Variants in ABCC1 observed in about 807,000 individuals in gnomAD.
ABCC1 encodes the protein multidrug resistance-associated protein 1.
ABCC1 carries 83 observed loss-of-function variants against 172.9 expected under a neutral mutation model. The observed-to-expected ratio is 0.48, with a 90% CI of 0.40 to 0.58. The LOEUF is 0.58. Ranked by LOEUF, ABCC1 falls within the 20% of genes least tolerant of loss-of-function variation. ABCC1 has a pLI of 0.00. For missense variants in ABCC1, 1,817 were observed against 2,002.7 expected, an observed-to-expected ratio of 0.91 and a Z score of 1.77; for synonymous variants, 937 against 825.2, an observed-to-expected ratio of 1.14 and a Z score of -2.32.
Position 16,130,545 on chromosome 16 carries a change from T to C in ABCC1, c.3820-1244T>C, listed in dbSNP as rs183737040. ...TTTTAAACTCTCTGTATTGCGCTCC[T>C]CAAATACCTAGAGCCAGTCTGTGCA... On this transcript the variant is annotated intron_variant, in intron 26 of 30. Coordinates refer to ENST00000399410, the MANE Select transcript of ABCC1 (RefSeq NM_004996.4). 3.3e-5 allele frequency among the ~76,000 whole-genome samples: 5 copies of C among 152,324 alleles called. No homozygotes were observed. The East Asian group carries it at 9.6e-4, about 29-fold the overall frequency.
At chr16:16,020,217 C>T (rs754771326) in intron 5 of ABCC1, among the ~76,000 whole-genome samples, 25 of 152,270 alleles carry the variant, frequency 1.6e-4, no homozygotes, top group Admixed American at 1.5e-3. Flanking sequence ...CCACCGTGCC[C>T]GGCTGTGGTC....
chr16:16,105,813 G>A (rs11861115), intron 20 of ABCC1, among the ~76,000 whole-genome samples: 39,472 of 147,728 alleles, frequency 0.27, 5,461 homozygotes, highest in Middle Eastern at 0.36. Flanking sequence ...AACTGTGGGC[G>A]ACGCAATCTG....
At chr16:16,043,428 A>T (rs2151873141) in intron 7 of ABCC1, among the ~76,000 whole-genome samples, 1 of 151,510 alleles carries the variant, frequency 6.6e-6, no homozygotes, top group East Asian at 1.9e-4. Flanking sequence ...CCTCCCAAGT[A>T]GCTGGGATTA....
intron 14 of ABCC1, 98 bp from the exon 15 acceptor site, chr16:16,076,228 C>T (rs953961074): frequency 7.0e-5 from 82 of 1,176,958 alleles, no homozygotes; most frequent in African/African-American, 2.2e-4. Flanking sequence ...TCGTGCCAAG[C>T]GTCTGGGGTT....
At chr16:15,978,315 G>A (rs1197787483) in intron 1 of ABCC1, among the ~76,000 whole-genome samples, 1 of 152,140 alleles carries the variant, frequency 6.6e-6, no homozygotes, top group East Asian at 1.9e-4. Context: ...GCAGTGAGCT[G>A]TGATTGCACA....
At chr16:16,020,023 G>C (rs1304401857) in intron 5 of ABCC1, among the ~76,000 whole-genome samples, 1 of 152,220 alleles carries the variant, frequency 6.6e-6, no homozygotes, top group Non-Finnish European at 1.5e-5. Context: ...CCAGGTTCAA[G>C]CAATTCTCCT....
At chr16:16,099,314 G>T (rs901822746) in intron 19 of ABCC1, among the ~76,000 whole-genome samples, 2 of 152,216 alleles carry the variant, frequency 1.3e-5, no homozygotes, top group Non-Finnish European at 2.9e-5. Context: ...CCCAGACAAT[G>T]CAGGGTGATC....
chr16:16,114,987 G>A lies in ABCC1; in HGVS notation c.3301G>A (p.Val1101Ile), dbSNP rs748139205. ...IKMFMGSLFN[V>I]IGACIVILLA... is the part of the protein sequence containing the mutation. ...GATGTTCATGGGCTCCCTGTTCAACGTCATTGGTGCCTGCATCGTTATCCT... is the reference window on the plus strand; with the variant it reads ...GATGTTCATGGGCTCCCTGTTCAACATCATTGGTGCCTGCATCGTTATCCT... Residue 1101 changes from valine (V) to isoleucine (I), a missense_variant, in exon 23 of 31, where the codon GTC (valine) becomes ATC (isoleucine). Around this residue, in one of 3 missense-constraint regions of ABCC1, gnomAD observed 1,412 missense variants for 1,600.3 expected, o/e 0.88. Transcript: ENST00000399410. The A allele has an allele frequency of 2.5e-6, 4 of 1,614,170 alleles. No individual in the cohort carries two copies. Among genetic ancestry groups the A allele is most frequent in the Non-Finnish European group, 3.4e-6 (4 of 1,180,032 alleles).
At chr16:16,017,717 A>AT in intron 5 of ABCC1, among the ~76,000 whole-genome samples, 1 of 152,004 alleles carries the variant, frequency 6.6e-6, no homozygotes. Context: ...CCTATTCTTT[A>AT]TTTTTTTAAA....
chr16:16,071,610 A>G (rs554079800), intron 13 of ABCC1, 32 bp from the exon 14 acceptor site: 8 of 1,601,390 alleles, frequency 5.0e-6, no homozygotes, highest in East Asian at 4.5e-5. Flanking sequence ...CTTTTTAAAA[A>G]TAACTCTCCC....
At chr16:16,073,233 G>C (rs1016456201) in intron 14 of ABCC1, among the ~76,000 whole-genome samples, 7 of 152,032 alleles carry the variant, frequency 4.6e-5, no homozygotes, top group Non-Finnish European at 8.8e-5. Flanking sequence ...ACTGGTCTCT[G>C]AAACTTGCCT....
At chr16:16,084,868 G>A (rs897759868) in intron 17 of ABCC1, among the ~76,000 whole-genome samples, 6 of 152,116 alleles carry the variant, frequency 3.9e-5, no homozygotes, top group Non-Finnish European at 7.4e-5. Context: ...TGATCTGCCC[G>A]CCTCTGCCTC....
Position 16,102,697 on chromosome 16 carries a change from T to C in ABCC1, c.2715T>C (p.Ser905=), listed in dbSNP as rs1307684821. 5.7e-6 allele frequency: 9 copies of C among 1,584,958 alleles called. No homozygotes were observed. Among genetic ancestry groups the C allele is most frequent in the Non-Finnish European group, 7.7e-6 (9 of 1,165,308 alleles). Residue 905 remains serine, a synonymous_variant, in exon 20 of 31, where the codon AGT becomes AGC. Transcript: ENST00000399410. ...QMENGMLVTD[S]AGKQLQRQLS... is the part of the protein sequence containing the mutation. ...AGAATGGCATGCTGGTGACGGACAG[T>C]GCAGGGAAGCAACTGCAGAGGTAAG...
chr16:16,118,257 G>A (rs2152104881), intron 23 of ABCC1, among the ~76,000 whole-genome samples: 1 of 152,144 alleles, frequency 6.6e-6, no homozygotes, highest in South Asian at 2.1e-4. Flanking sequence ...CTCAAACCAC[G>A]CTGCACAGCT....
At chr16:16,120,310 T>C (rs1158080851) in intron 23 of ABCC1, among the ~76,000 whole-genome samples, 1 of 152,180 alleles carries the variant, frequency 6.6e-6, no homozygotes, top group Non-Finnish European at 1.5e-5. Context: ...AACCCCGGGC[T>C]CACCAGTTCC....
intron 22 of ABCC1, among the ~76,000 whole-genome samples, chr16:16,113,591 G>A (rs976097769): frequency 6.6e-6 from 1 of 152,094 alleles, no homozygotes; most frequent in Non-Finnish European, 1.5e-5. Context: ...GGAGGTCGAG[G>A]CTGCAGTGAG....
chr16:16,015,622 G>A (rs1033902238), intron 4 of ABCC1, among the ~76,000 whole-genome samples: 1 of 152,232 alleles, frequency 6.6e-6, no homozygotes, highest in African/African-American at 2.4e-5. Flanking sequence ...AGGGGACTGT[G>A]TATGTGTCAC....
intron 18 of ABCC1, among the ~76,000 whole-genome samples, chr16:16,088,430 G>C (rs558764065): frequency 1.3e-5 from 2 of 152,170 alleles, no homozygotes; most frequent in East Asian, 3.8e-4. Flanking sequence ...GGGTAACAGA[G>C]CGAGACTCCG....
intron 12 of ABCC1, among the ~76,000 whole-genome samples, chr16:16,057,070 G>A (rs575321074): frequency 9.9e-5 from 15 of 151,900 alleles, no homozygotes; most frequent in African/African-American, 2.7e-4. Context: ...GGCTGGGTGC[G>A]GTGGCTTGTG....
Sources: allele counts gnomAD v4.1 joint callset (sites outside exome capture counted in the v4.1 genomes callset), GRCh38; gene constraint gnomAD v4.1.1; regional missense constraint gnomAD v4.1.1; transcripts MANE v1.5; gene names NCBI Gene and HGNC (gene_info 2026-07-23, HGNC 2026-07-21).